Variants in AJUBA observed in about 807,000 individuals in gnomAD.
AJUBA encodes LIM domain-containing protein ajuba.
In AJUBA, 20 loss-of-function variants were observed where a neutral mutation model predicts 53.3. The observed-to-expected ratio is 0.38, with a 90% CI of 0.26 to 0.55. The LOEUF (loss-of-function observed/expected upper bound fraction) is 0.55. Ranked by LOEUF, AJUBA falls within the 20% of genes least tolerant of loss-of-function variation. The pLI is 0.80. For missense variants in AJUBA, 580 were observed against 730.5 expected (o/e 0.79, Z 2.38); for synonymous variants, 296 against 306.2 (o/e 0.97, Z 0.35).
At chr14:22,973,638 C>G in intron 7 of AJUBA, 70 bp from the exon 8 acceptor site, 1 of 1,581,280 alleles carries the variant, frequency 6.3e-7, no homozygotes, top group South Asian at 1.2e-5. Context: ...TAGGAGTCTG[C>G]CCTGCTCAAC....
Position 22,981,447 on chromosome 14 carries a change from C to A in AJUBA, c.820G>T (p.Ala274Ser). 6.2e-7 allele frequency: 1 copy of A among 1,610,380 alleles called. No homozygotes were observed. The highest frequency in any genetic ancestry group is 8.5e-7 in the Non-Finnish European group (1 of 1,178,994). ...GCTGTTAGCTCGTCCTGGTACCGGG[C>A]GCCCACGGCGCAGTCCCCGTAGCCG... is the stretch of plus-strand genomic sequence containing the variant. ...VTGYGDCAVG[A>S]RYQDELTALL... The change falls in exon 1 of 8, where the codon GCC (alanine) becomes TCC (serine). Residue 274 changes from alanine (A) to serine (S), a missense_variant. Ala to Ser is a moderately conservative substitution (Grantham distance 99). This residue lies in a region of AJUBA where 430 missense variants were observed against 471.5 expected (regional missense o/e 0.91). Transcript: ENST00000262713.
chr14:22,979,200 A>T lies in AJUBA; in HGVS notation c.1007-755T>A. 1 of 952,994 alleles carries T rather than the reference A, an allele frequency of 1.0e-6. No homozygotes were observed. The highest frequency in any genetic ancestry group is 1.2e-6 in the Non-Finnish European group (1 of 800,614). The allele number at this position is 952,994 out of a possible 1,614,324, so 59.0% of individuals were successfully genotyped here. On this transcript the variant is annotated intron_variant, in intron 1 of 7. Coordinates refer to ENST00000262713, the MANE Select transcript of AJUBA (RefSeq NM_032876.6). The surrounding 1 kb of genome is among the most constrained non-coding windows in gnomAD (Gnocchi z 4.0). ...CTATTCCCCAAAATCCCCCACTAAGATATATACACCTGGCTCTGGGACTTG... is the reference window on the plus strand; with the variant it reads ...CTATTCCCCAAAATCCCCCACTAAGTTATATACACCTGGCTCTGGGACTTG...
chr14:22,977,476 C>A (rs922983572), intron 2 of AJUBA: 1 of 152,414 alleles, frequency 6.6e-6, no homozygotes. Context: ...CCACCTTTGC[C>A]TTCTTCCCCT....
chr14:22,978,410 G>GC lies in AJUBA; in HGVS notation c.1041dup (p.Gln348AlafsTer41). The GC allele has an allele frequency of 6.2e-7, 1 of 1,613,842 alleles. No homozygotes were observed. Among genetic ancestry groups the GC allele is most frequent in the Non-Finnish European group, 8.5e-7 (1 of 1,179,736 alleles). On this transcript the variant is annotated frameshift_variant, in exon 2 of 8. Transcript: ENST00000262713. LOFTEE classifies it high-confidence loss of function. Reference sequence around the variant, plus strand: ...TCCAGGGCCTGGCAGGCATTGCTCTGCCCATAGATGCCTTTGTTGCACTTG... The same window carrying GC: ...TCCAGGGCCTGGCAGGCATTGCTCTGCCCCATAGATGCCTTTGTTGCACTTG...
intron 1 of AJUBA, chr14:22,980,713 G>A: frequency 1.0e-6 from 1 of 982,060 alleles, no homozygotes; most frequent in Non-Finnish European, 1.2e-6. Context: ...GCTAGGGAGC[G>A]TCCCCCGATC....
Position 22,982,395 on chromosome 14 carries a change from G to A in AJUBA, c.-129C>T, listed in dbSNP as rs989487807. ...ACAGGGGAGGCACAGGGGCTTAGCG[G>A]GCGGCCTGGATGCCCTGCGCCAGGA... On this transcript the variant is annotated 5_prime_UTR_variant, in exon 1 of 8. Transcript: ENST00000262713. The A allele has an allele frequency of 6.8e-7, 1 of 1,477,322 alleles. No individual in the cohort carries two copies. Among genetic ancestry groups the A allele is most frequent in the Non-Finnish European group, 8.9e-7 (1 of 1,125,016 alleles). The allele number at this position is 1,477,322 out of a possible 1,614,324, so 91.5% of individuals were successfully genotyped here. A position where few individuals can be genotyped will look rare whatever the true frequency, so the allele number is the denominator to read the frequency against.
rs2045002285 is a variant in AJUBA at position 22,973,349 on chromosome 14, T to C, written c.*94A>G. The C allele has an allele frequency of 2.0e-6, 3 of 1,522,234 alleles. No homozygotes were observed. The highest frequency in any genetic ancestry group is 2.5e-5 in the East Asian group (1 of 40,732). The allele number at this position is 1,522,234 out of a possible 1,614,324, so 94.3% of individuals were successfully genotyped here. A position where few individuals can be genotyped will look rare whatever the true frequency, so the allele number is the denominator to read the frequency against. On this transcript the variant is annotated 3_prime_UTR_variant, in exon 8 of 8. Coordinates refer to ENST00000262713, the MANE Select transcript of AJUBA (RefSeq NM_032876.6). ...CCCCAGAGGACTCTTCTGCCAGGCC[T>C]GCAGAGTGCATTCTTTGCCTTGGCT... is the stretch of plus-strand genomic sequence containing the variant.
intron 6 of AJUBA, 69 bp from the exon 7 acceptor site, chr14:22,974,184 C>G (rs1487496923): frequency 1.3e-5 from 19 of 1,515,652 alleles, no homozygotes; most frequent in Middle Eastern, 1.7e-4. Flanking sequence ...CCCTCATATA[C>G]AACCCTTCCC....
chr14:22,977,299 G>T, intron 2 of AJUBA: 1 of 756,402 alleles, frequency 1.3e-6, no homozygotes, highest in Non-Finnish European at 1.6e-6. Context: ...GCTTCCCTAA[G>T]CTTAGAGGGA....
chr14:22,979,067 G>A lies in AJUBA; in HGVS notation c.1007-622C>T. The A allele has an allele frequency of 1.6e-6, 2 of 1,288,390 alleles. No homozygotes were observed. The highest frequency in any genetic ancestry group is 1.2e-5 in the South Asian group (1 of 80,920). 79.8% of individuals were successfully genotyped at this position (1,288,390 alleles called of 1,614,324 possible). ...GGGAGGTGGCTGCTGAGAATGCAGG[G>A]TGTGTTCCAGGAACCAGGGTTGAAC... On this transcript the variant is annotated intron_variant, in intron 1 of 7. Coordinates refer to ENST00000262713, the MANE Select transcript of AJUBA (RefSeq NM_032876.6). This position sits in a 1 kb window ranked among gnomAD's most constrained non-coding sequence, Gnocchi z 4.0.
chr14:22,981,654 G>A lies in AJUBA; in HGVS notation c.613C>T (p.Pro205Ser). The change falls in exon 1 of 8, where the codon CCG becomes TCG. Residue 205 changes from proline to serine, a missense_variant. Physicochemically the swap from Pro to Ser is moderately conservative, Grantham distance 74. Around this residue, in one of 2 missense-constraint regions of AJUBA, gnomAD observed 430 missense variants for 471.5 expected, o/e 0.91. Transcript: ENST00000262713. ...YSPGGVPSAY[P>S]ELHAALDRLY... ...CGGTCCAGGGCGGCGTGGAGCTCCGGGTAGGCGGACGGGACCCCTCCGGGA... is the reference window on the plus strand; with the variant it reads ...CGGTCCAGGGCGGCGTGGAGCTCCGAGTAGGCGGACGGGACCCCTCCGGGA... The A allele has an allele frequency of 6.6e-7, 1 of 1,514,130 alleles. No individual in the cohort carries two copies. 93.8% of individuals were successfully genotyped at this position (1,514,130 alleles called of 1,614,324 possible).
chr14:22,974,952 G>A, intron 5 of AJUBA, 22 bp downstream of exon 5: 2 of 1,613,884 alleles, frequency 1.2e-6, no homozygotes, highest in Non-Finnish European at 1.7e-6. Flanking sequence ...GTTCCACACT[G>A]CATCCCAAGG....
At chr14:22,975,335 C>A in intron 4 of AJUBA, 1 of 499,532 alleles carries the variant, frequency 2.0e-6, no homozygotes, top group South Asian at 3.3e-5. Flanking sequence ...TCAGGATCAC[C>A]TAGGCAGCTT....
Position 22,981,577 on chromosome 14 carries a change from C to A in AJUBA, c.690G>T (p.Ser230=), listed in dbSNP as rs750286051. The change falls in exon 1 of 8, where the codon TCG becomes TCT. Residue 230 remains serine, a synonymous_variant. Coordinates refer to ENST00000262713, the MANE Select transcript of AJUBA (RefSeq NM_032876.6). ...AGFGCQESRH[S]YPPALGSPGA... ...CAGGGCTGCCCAGGGCCGGGGGATA[C>A]GAGTGGCGGCTTTCCTGGCAGCCGA... 3 of 1,561,676 alleles carry A rather than the reference C, an allele frequency of 1.9e-6. No homozygotes were observed. The highest frequency in any genetic ancestry group is 1.2e-5 in the South Asian group (1 of 86,538).
Position 22,982,087 on chromosome 14 carries a change from C to T in AJUBA, c.180G>A (p.Pro60=). 2 of 1,592,020 alleles carry T rather than the reference C, an allele frequency of 1.3e-6. No homozygotes were observed. The highest frequency in any genetic ancestry group is 1.7e-6 in the Non-Finnish European group (2 of 1,172,060). The change falls in exon 1 of 8, where the codon CCG becomes CCA. Residue 60 remains proline, a synonymous_variant. Coordinates refer to ENST00000262713, the MANE Select transcript of AJUBA (RefSeq NM_032876.6). Reference sequence around the variant, plus strand: ...AACCTTGCTCCCGGGCCGGCTCCAACGGCTCATCCCCAGGTCCCCCAGTAG... The same window carrying T: ...AACCTTGCTCCCGGGCCGGCTCCAATGGCTCATCCCCAGGTCCCCCAGTAG... ...RGATGGPGDE[P]LEPAREQGSL...
chr14:22,979,223 T>G lies in AJUBA; in HGVS notation c.1007-778A>C, dbSNP rs2045065325. The G allele has an allele frequency of 2.3e-6, 2 of 868,418 alleles. No individual in the cohort carries two copies. The highest frequency in any genetic ancestry group is 2.8e-6 in the Non-Finnish European group (2 of 723,524). 53.8% of individuals were successfully genotyped at this position (868,418 alleles called of 1,614,324 possible). On this transcript the variant is annotated intron_variant, in intron 1 of 7. Transcript: ENST00000262713. The surrounding 1 kb of genome is among the most constrained non-coding windows in gnomAD (Gnocchi z 4.0). Reference sequence around the variant, plus strand: ...AGATATATACACCTGGCTCTGGGACTTGCCTTTCCTGGGTGTGTTCTTCCC... The same window carrying G: ...AGATATATACACCTGGCTCTGGGACGTGCCTTTCCTGGGTGTGTTCTTCCC...
In AJUBA at chr14:22,979,982, G is replaced by C. The variant is rs2045072290; in HGVS notation, c.1006+1279C>G. 6.6e-6 allele frequency among the ~76,000 whole-genome samples: 1 copy of C among 151,576 alleles called. No homozygotes were observed. The highest frequency in any genetic ancestry group is 1.5e-5 in the Non-Finnish European group (1 of 67,882). On this transcript the variant is annotated intron_variant, in intron 1 of 7. Coordinates refer to ENST00000262713, the MANE Select transcript of AJUBA (RefSeq NM_032876.6). This position sits in a 1 kb window ranked among gnomAD's most constrained non-coding sequence, Gnocchi z 4.0. ...CTGGGCTTTCCTCTCGGTGGATTTG[G>C]AGGTGGGGAAAAGAATGGGGGTGGA... is the stretch of plus-strand genomic sequence containing the variant.
chr14:22,978,519 T>C, intron 1 of AJUBA, 74 bp from the exon 2 acceptor site: 1 of 1,560,528 alleles, frequency 6.4e-7, no homozygotes, highest in Non-Finnish European at 8.7e-7. Context: ...CTGACTGCCC[T>C]TTCCTGATGT....
chr14:22,975,862 G>A (rs71418268), intron 4 of AJUBA: 44,404 of 145,604 alleles, frequency 0.3, 8,600 homozygotes, highest in African/African-American at 0.55. Flanking sequence ...AAAAAAAAAA[G>A]AAGACGACTC....
Sources: gnomAD v4.1 joint callset for allele counts (sites outside exome capture counted in the v4.1 genomes callset) on GRCh38, gnomAD v4.1.1 for gene constraint, gnomAD v4.1.1 regional missense constraint, Gnocchi (gnomAD v3.1) non-coding constraint, MANE v1.5 for transcripts, NCBI Gene and HGNC (gene_info 2026-07-23, HGNC 2026-07-21) for gene names.